The following SLC16A4 variants were observed in gnomAD, a reference collection of about 807,000 sequenced individuals.
The protein encoded by SLC16A4 is solute carrier family 16 member 4.
SLC16A4 carries 39 observed loss-of-function variants against 47.9 expected under a neutral mutation model. That is an observed-to-expected ratio of 0.81 (90% CI 0.63 to 1.06). The LOEUF is 1.06. Ranked by LOEUF, SLC16A4 falls within the 50% of genes least tolerant of loss-of-function variation. SLC16A4 has a pLI of 0.00. For missense variants in SLC16A4, 524 were observed against 573.8 expected (o/e 0.91, Z 0.89); for synonymous variants, 189 against 199.9 (o/e 0.95, Z 0.46).
At chr1:110,389,147 T>C in intron 2 of SLC16A4, 90 bp downstream of exon 2, 2 of 1,106,884 alleles carry the variant, frequency 1.8e-6, no homozygotes, top group Non-Finnish European at 2.8e-6. Context: ...AAAGATTTCC[T>C]AAGTGATCCT....
At chr1:110,380,411 A>G (rs1570647577) in intron 5 of SLC16A4, among the ~76,000 whole-genome samples, 1 of 152,222 alleles carries the variant, frequency 6.6e-6, no homozygotes, top group East Asian at 1.9e-4. Context: ...TTTTAATCCA[A>G]ATGTCTTAGT....
At chr1:110,384,802 G>A (rs1382912238) in intron 2 of SLC16A4, among the ~76,000 whole-genome samples, 1 of 152,156 alleles carries the variant, frequency 6.6e-6, no homozygotes, top group Non-Finnish European at 1.5e-5. Flanking sequence ...CTTGAGCCCA[G>A]GAGTTCAAGA....
chr1:110,376,566 C>T (rs1662014092), intron 7 of SLC16A4, among the ~76,000 whole-genome samples: 1 of 152,124 alleles, frequency 6.6e-6, no homozygotes, highest in Non-Finnish European at 1.5e-5. Context: ...CCACACTGGT[C>T]GGGAAATCCT....
intron 5 of SLC16A4, chr1:110,379,996 G>T (rs184859267): frequency 6.8e-6 from 1 of 147,868 alleles, no homozygotes; most frequent in African/African-American, 2.5e-5. Context: ...GGTGGAGGTT[G>T]CAGTGAGCCG....
intron 8 of SLC16A4, chr1:110,371,488 C>T (rs1048682738): frequency 6.6e-5 from 10 of 152,326 alleles, no homozygotes; most frequent in Middle Eastern, 3.4e-3. Flanking sequence ...ATTAGATATA[C>T]TTGCTTTTCT....
intron 2 of SLC16A4, among the ~76,000 whole-genome samples, chr1:110,384,970 A>T (rs1215922075): frequency 1.3e-5 from 2 of 152,154 alleles, no homozygotes; most frequent in Non-Finnish European, 2.9e-5. Flanking sequence ...TTGTGATCAC[A>T]CTACTGCACT....
chr1:110,374,140 A>G (rs1661846495), intron 8 of SLC16A4, among the ~76,000 whole-genome samples: 1 of 152,248 alleles, frequency 6.6e-6, no homozygotes, highest in African/African-American at 2.4e-5. Flanking sequence ...CCCGGGTTCA[A>G]GCAATTCTCC....
At chr1:110,382,391 A>G (rs1011652017) in intron 3 of SLC16A4, among the ~76,000 whole-genome samples, 11 of 152,074 alleles carry the variant, frequency 7.2e-5, no homozygotes, top group East Asian at 1.9e-4. Flanking sequence ...CCTGGGAGGC[A>G]GAGGTTGCAG....
rs771231492 is a variant in SLC16A4 at position 110,377,159 on chromosome 1, T to C, written c.1033A>G (p.Ile345Val). ...DASYLVSVAG[I>V]LETVSQIISG... Reference sequence around the variant, plus strand: ...ATAATCTGACTGACCGTCTCAAGGATACCTGGAACAATATTGAAATCTTTT... The same window carrying C: ...ATAATCTGACTGACCGTCTCAAGGACACCTGGAACAATATTGAAATCTTTT... The change falls in exon 7 of 9, where the codon ATC becomes GTC. Residue 345 changes from isoleucine to valine, a missense_variant and splice_region_variant. Ile to Val is a conservative substitution (Grantham distance 29). Coordinates refer to ENST00000369779, the MANE Select transcript of SLC16A4 (RefSeq NM_004696.3). The C allele has an allele frequency of 1.9e-6, 3 of 1,612,602 alleles. No homozygotes were observed. The highest frequency in any genetic ancestry group is 1.1e-5 in the South Asian group (1 of 90,950).
In SLC16A4 at chr1:110,363,625, CAAAAAA is replaced by C. The variant is rs57148886; in HGVS notation, c.*135_*140del. 2.5e-5 allele frequency: 12 copies of C among 487,668 alleles called. No individual in the cohort carries two copies. The Admixed American group carries it at 5.1e-4, about 21-fold the overall frequency. 30.2% of individuals were successfully genotyped at this position (487,668 alleles called of 1,614,324 possible). A position where few individuals can be genotyped will look rare whatever the true frequency, so the allele number is the denominator to read the frequency against. Reference sequence around the variant, plus strand: ...TGGGCGAAAGAGCGAGACTCCGTCTCAAAAAAAAAAAAAAAAAAATTGTTTTCCTTC... The same window carrying C: ...TGGGCGAAAGAGCGAGACTCCGTCTCAAAAAAAAAAAAATTGTTTTCCTTC... On this transcript the variant is annotated 3_prime_UTR_variant, in exon 9 of 9. Transcript: ENST00000369779.
At position 110,364,754 on chromosome 1, in the gene SLC16A4, G is replaced by A. The variant is rs377132359; in HGVS notation, c.1337-861C>T. ...TTGAACTCCTGACCTCCAGTGATCC[G>A]CCTACCTCGGCCTCCCAAAGTGCTG... is the stretch of plus-strand genomic sequence containing the variant. On this transcript the variant is annotated intron_variant, in intron 8 of 8. Transcript: ENST00000369779. 8.6e-5 allele frequency among the ~76,000 whole-genome samples: 13 copies of A among 151,948 alleles called. No individual in the cohort carries two copies. In the South Asian group the frequency reaches 2.1e-3, roughly 24 times the overall value.
intron 5 of SLC16A4, chr1:110,380,027 A>G (rs1662274911): frequency 6.9e-6 from 1 of 145,500 alleles, no homozygotes; most frequent in Non-Finnish European, 1.5e-5. Flanking sequence ...ACAGCACTCC[A>G]GCCTGAATGA....
At chr1:110,373,888 G>A (rs925806824) in intron 8 of SLC16A4, among the ~76,000 whole-genome samples, 1 of 151,838 alleles carries the variant, frequency 6.6e-6, no homozygotes, top group African/African-American at 2.4e-5. Context: ...TCTTGTCCAG[G>A]CTGGTCTGGA....
chr1:110,364,601 C>A (rs1661275401), intron 8 of SLC16A4, among the ~76,000 whole-genome samples: 1 of 150,268 alleles, frequency 6.7e-6, no homozygotes, highest in South Asian at 2.1e-4. Flanking sequence ...ACCTCCACCT[C>A]CTGGGTTCAA....
chr1:110,381,386 A>G (rs1216991406), intron 4 of SLC16A4, among the ~76,000 whole-genome samples: 2 of 152,184 alleles, frequency 1.3e-5, no homozygotes, highest in Admixed American at 1.3e-4. Flanking sequence ...CAGTGGCACA[A>G]TCTCGGCTCA....
rs968517594 is a variant in SLC16A4, at chr1:110,376,874, C to T, written c.1242+76G>A. 29 of 1,171,616 alleles carry T rather than the reference C, an allele frequency of 2.5e-5. No homozygotes were observed. In the East Asian group the frequency reaches 2.7e-4, roughly 11 times the overall value. 72.6% of individuals were successfully genotyped at this position (1,171,616 alleles called of 1,614,324 possible). A position where few individuals can be genotyped will look rare whatever the true frequency, so the allele number is the denominator to read the frequency against. ...TAAGTTACAAAATTAATACAAAATA[C>T]GTATTTTGGGGAGATTGTTACTGAT... On this transcript the variant is annotated intron_variant, in intron 7 of 8. Coordinates refer to ENST00000369779, the MANE Select transcript of SLC16A4 (RefSeq NM_004696.3).
rs1405537738 is a variant in SLC16A4 at position 110,377,041 on chromosome 1, G to A, written c.1151C>T (p.Pro384Leu). The change falls in exon 7 of 9, where the codon CCT (proline) becomes CTT (leucine). Residue 384 changes from proline to leucine, a missense_variant. Physicochemically the swap from Pro to Leu is moderately conservative, Grantham distance 98. Transcript: ENST00000369779. ...ILCGITNLLAPLATTFPLLMT... is the reference protein window; with the variant it reads ...ILCGITNLLALLATTFPLLMT... ...AAGTAGTGGAAATGTGGTGGCTAAAGGAGCAAGCAGGTTAGTGATGCCGCA... is the reference window on the plus strand; with the variant it reads ...AAGTAGTGGAAATGTGGTGGCTAAAAGAGCAAGCAGGTTAGTGATGCCGCA... The A allele has an allele frequency of 6.2e-7, 1 of 1,614,052 alleles. No homozygotes were observed. Among genetic ancestry groups the A allele is most frequent in the African/African-American group, 1.3e-5 (1 of 74,934 alleles).
chr1:110,365,899 T>C (rs540917158), intron 8 of SLC16A4, among the ~76,000 whole-genome samples: 6 of 152,330 alleles, frequency 3.9e-5, no homozygotes, highest in Non-Finnish European at 8.8e-5. Context: ...CAGCTAAAAA[T>C]AGTAAAAATG....
rs762454848 is a variant in SLC16A4 at position 110,377,085 on chromosome 1, G to A, written c.1107C>T (p.His369=). Residue 369 remains histidine (H), a synonymous_variant, in exon 7 of 9, where the codon CAC becomes CAT. Coordinates refer to ENST00000369779, the MANE Select transcript of SLC16A4 (RefSeq NM_004696.3). ...DQNWIKKYHY[H]KSYLILCGIT... ...TGCCGCAGAGGATGAGGTAAGACTT[G>A]TGGTAATGATACTTCTTAATCCAGT... is the stretch of plus-strand genomic sequence containing the variant. 19 of 1,614,136 alleles carry A rather than the reference G, an allele frequency of 1.2e-5. No homozygotes were observed. The East Asian group carries it at 4.0e-4, about 34-fold the overall frequency.
Sources: allele counts gnomAD v4.1 joint callset (sites outside exome capture counted in the v4.1 genomes callset), GRCh38; gene constraint gnomAD v4.1.1; transcripts MANE v1.5; gene names NCBI Gene and HGNC (gene_info 2026-07-23, HGNC 2026-07-21).